The following EDA variants were observed in gnomAD, a reference collection of about 807,000 sequenced individuals.
The protein encoded by EDA is ectodysplasin A.
A neutral mutation model predicts 23.6 loss-of-function variants in EDA; 2 were observed. The ratio of observed to expected loss-of-function variants is 0.08; its 90% CI spans 0.03 to 0.27. EDA has a LOEUF of 0.27. Among genes scored for constraint, EDA ranks in the 10% least tolerant of loss-of-function variants. EDA has a pLI of 1.00. For synonymous variants in EDA, 131 were observed against 132.0 expected (o/e 0.99, Z 0.05); for missense variants, 229 against 324.2 (o/e 0.71, Z 2.26).
chrX:69,850,035 G>A (rs2017093603), intron 1 of EDA, among the ~76,000 whole-genome samples: 1 of 112,125 alleles, frequency 8.9e-6, no homozygotes, highest in Non-Finnish European at 1.9e-5. Context: ...AATGATGTGA[G>A]GGTGTGATTA....
rs2147270929 is a variant in EDA at position 69,674,116 on chromosome X, TATC to T, written c.396+57413_396+57415del. On this transcript the variant is annotated intron_variant, in intron 1 of 7. Coordinates refer to ENST00000374552, the MANE Select transcript of EDA (RefSeq NM_001399.5). ...TGTAGGAAAAGCCTATCTATCTATCTATCTATCTATCTATCTATCTATCTATCT... is the reference window on the plus strand; with the variant it reads ...TGTAGGAAAAGCCTATCTATCTATCTTATCTATCTATCTATCTATCTATCT... Among the ~76,000 whole-genome samples, 4 of 105,239 alleles carry T rather than the reference TATC, an allele frequency of 3.8e-5. No individual in the cohort carries two copies. The Admixed American group carries it at 3.9e-4, about 10-fold the overall frequency. 91.4% of individuals were successfully genotyped at this position (105,239 alleles called of 115,157 possible). A position where few individuals can be genotyped will look rare whatever the true frequency, so the allele number is the denominator to read the frequency against.
At chrX:69,896,961 A>G (rs994544887) in intron 1 of EDA, among the ~76,000 whole-genome samples, 7 of 111,818 alleles carry the variant, frequency 6.3e-5, no homozygotes, top group Non-Finnish European at 3.8e-5. Flanking sequence ...ATTTCCTATC[A>G]CTTTTCTCTT....
intron 1 of EDA, among the ~76,000 whole-genome samples, chrX:69,762,760 G>A (rs1206443921): frequency 4.5e-5 from 5 of 112,131 alleles, no homozygotes; most frequent in Non-Finnish European, 9.4e-5. Context: ...ACACTCGATT[G>A]AAGTATGAAA....
intron 1 of EDA, among the ~76,000 whole-genome samples, chrX:69,797,501 T>C (rs774435455): frequency 9.0e-6 from 1 of 110,679 alleles, no homozygotes; most frequent in South Asian, 3.8e-4. Flanking sequence ...CCCAGCAAAA[T>C]TGCTGTTCAT....
intron 1 of EDA, among the ~76,000 whole-genome samples, chrX:69,733,984 G>T (rs1465476741): frequency 9.2e-6 from 1 of 109,281 alleles, no homozygotes; most frequent in African/African-American, 3.3e-5. Context: ...TTCTTCTCTT[G>T]TATTTCCTGA....
chrX:69,712,266 C>G (rs866757598), intron 1 of EDA, among the ~76,000 whole-genome samples: 1 of 111,328 alleles, frequency 9.0e-6, no homozygotes, highest in African/African-American at 3.3e-5. Flanking sequence ...AGTAGTCATT[C>G]ATTCGGAGTA....
At chrX:69,971,438 G>A (rs1362036184) in intron 2 of EDA, among the ~76,000 whole-genome samples, 4 of 112,422 alleles carry the variant, frequency 3.6e-5, no homozygotes, top group Non-Finnish European at 7.5e-5. Flanking sequence ...GTTATGTTTA[G>A]TATATCATGC....
chrX:69,746,110 TTC>T (rs1283977355), intron 1 of EDA, among the ~76,000 whole-genome samples: 3 of 111,348 alleles, frequency 2.7e-5, no homozygotes, highest in Admixed American at 9.5e-5. Context: ...CTTGCTCTCA[TTC>T]TCTCTTTTGT....
At chrX:69,893,525 C>T (rs1250254635) in intron 1 of EDA, among the ~76,000 whole-genome samples, 1 of 112,056 alleles carries the variant, frequency 8.9e-6, no homozygotes, top group African/African-American at 3.2e-5. Context: ...CATTAGTCCC[C>T]TAACTCCCAA....
At chrX:69,901,838 C>T (rs768841754) in intron 1 of EDA, among the ~76,000 whole-genome samples, 2 of 111,314 alleles carry the variant, frequency 1.8e-5, no homozygotes, top group Non-Finnish European at 3.8e-5. Flanking sequence ...TCCAGGAAAC[C>T]CCAGCACCTT....
At chrX:69,684,150 A>T (rs952162334) in intron 1 of EDA, among the ~76,000 whole-genome samples, 1 of 112,191 alleles carries the variant, frequency 8.9e-6, no homozygotes, top group African/African-American at 3.2e-5. Context: ...ACTCGCTTAT[A>T]ATTTATTTAC....
At chrX:69,657,893 C>G (rs1933365957) in intron 1 of EDA, among the ~76,000 whole-genome samples, 1 of 111,539 alleles carries the variant, frequency 9.0e-6, no homozygotes, top group Non-Finnish European at 1.9e-5. Flanking sequence ...AGTTTTAAGT[C>G]AGGTAATGTG....
chrX:69,723,587 A>G (rs1465485533), intron 1 of EDA, among the ~76,000 whole-genome samples: 1 of 112,136 alleles, frequency 8.9e-6, no homozygotes, highest in Non-Finnish European at 1.9e-5. Context: ...AACTGACATC[A>G]TTATGAGTGT....
At position 70,006,205 on chromosome X, in the gene EDA, A is replaced by G. The variant is rs772461360; in HGVS notation, c.503-17013A>G. On this transcript the variant is annotated intron_variant, in intron 2 of 7. Transcript: ENST00000374552. The stretch of plus-strand genomic sequence containing the variant: ...TTGGTATGAAGGTTTTTGTGTGGAC[A>G]TAAGTTTTCAGCACATTTGGGTAAA... Among the ~76,000 whole-genome samples, 6 of 112,373 alleles carry G rather than the reference A, an allele frequency of 5.3e-5. No homozygotes were observed. The East Asian group carries it at 8.4e-4, about 16-fold the overall frequency.
At chrX:69,808,495 C>T (rs2015867276) in intron 1 of EDA, among the ~76,000 whole-genome samples, 1 of 111,662 alleles carries the variant, frequency 9.0e-6, no homozygotes, top group Non-Finnish European at 1.9e-5. Flanking sequence ...TGTGGTTGAA[C>T]TCAGTGTTTA....
intron 1 of EDA, among the ~76,000 whole-genome samples, chrX:69,892,683 A>G (rs914068538): frequency 8.9e-6 from 1 of 112,207 alleles, no homozygotes; most frequent in Admixed American, 9.5e-5. Context: ...TATTTTTTAA[A>G]GGAAATAATT....
intron 2 of EDA, among the ~76,000 whole-genome samples, chrX:69,980,641 A>G (rs1327208313): frequency 8.9e-6 from 1 of 112,486 alleles, no homozygotes; most frequent in Non-Finnish European, 1.9e-5. Context: ...TCTAGACTAA[A>G]TAAGCCAAGT....
intron 1 of EDA, among the ~76,000 whole-genome samples, chrX:69,627,417 C>T (rs1932425716): frequency 9.0e-6 from 1 of 111,223 alleles, no homozygotes; most frequent in Admixed American, 9.6e-5. Flanking sequence ...ATATATCATA[C>T]AGATCATCCG....
intron 2 of EDA, among the ~76,000 whole-genome samples, chrX:69,959,574 T>C (rs1569386049): frequency 8.9e-6 from 1 of 111,946 alleles, no homozygotes; most frequent in Non-Finnish European, 1.9e-5. Flanking sequence ...GAATAAACAT[T>C]CAATAAGGAT....
Sources: gnomAD v4.1 joint callset for allele counts (sites outside exome capture counted in the v4.1 genomes callset) on GRCh38, gnomAD v4.1.1 for gene constraint, MANE v1.5 for transcripts, NCBI Gene and HGNC (gene_info 2026-07-23, HGNC 2026-07-21) for gene names.